The following FAM149B1 variants were observed in gnomAD, a reference collection of about 807,000 sequenced individuals.
FAM149B1 encodes family with sequence similarity 149 member B1.
A neutral mutation model predicts 75.3 loss-of-function variants in FAM149B1; 56 were observed. The observed-to-expected ratio is 0.74, with a 90% CI of 0.60 to 0.93. The LOEUF (loss-of-function observed/expected upper bound fraction) is 0.93. FAM149B1 is among the 40% of genes least tolerant of loss of function. The pLI is 0.00. For missense variants in FAM149B1, 639 were observed against 708.4 expected, an observed-to-expected ratio of 0.90 and a Z score of 1.11; for synonymous variants, 259 against 256.1, an observed-to-expected ratio of 1.01 and a Z score of -0.11.
Position 73,243,319 on chromosome 10 carries a change from C to T in FAM149B1, c.*2300C>T, listed in dbSNP as rs1478771628. The T allele has an allele frequency of 6.5e-7, 1 of 1,532,456 alleles. No homozygotes were observed. Among genetic ancestry groups the T allele is most frequent in the East Asian group, 2.3e-5 (1 of 44,340 alleles). 94.9% of individuals were successfully genotyped at this position (1,532,456 alleles called of 1,614,324 possible). ...CACCTTTTCTCAAGAGCTGAATTGA[C>T]TTTTGCCTTCAAATCCTGCCTGCAC... On this transcript the variant is annotated 3_prime_UTR_variant, in exon 14 of 14. Coordinates refer to ENST00000242505, the MANE Select transcript of FAM149B1 (RefSeq NM_173348.2).
At chr10:73,180,474 G>C (rs1431144086) in intron 3 of FAM149B1, among the ~76,000 whole-genome samples, 1 of 152,178 alleles carries the variant, frequency 6.6e-6, no homozygotes, top group African/African-American at 2.4e-5. Flanking sequence ...GGAAGATTTA[G>C]TATACTGACT....
intron 5 of FAM149B1, among the ~76,000 whole-genome samples, chr10:73,197,311 T>C (rs1331833933): frequency 2.0e-5 from 3 of 152,224 alleles, no homozygotes; most frequent in African/African-American, 7.2e-5. Context: ...CCACTCTTTT[T>C]TCTTAACTAA....
intron 3 of FAM149B1, 24 bp from the exon 4 acceptor site, chr10:73,192,532 T>C (rs1009666232): frequency 1.4e-5 from 21 of 1,548,184 alleles, no homozygotes; most frequent in Middle Eastern, 1.7e-4. Flanking sequence ...CACCTAAATA[T>C]TTGGGGGGAA....
rs1843534823 is a variant in FAM149B1 at position 73,168,276 on chromosome 10, C to T, written c.-64C>T. The T allele has an allele frequency of 2.0e-6, 3 of 1,530,364 alleles. No homozygotes were observed. Among genetic ancestry groups the T allele is most frequent in the Non-Finnish European group, 2.6e-6 (3 of 1,133,106 alleles). 94.8% of individuals were successfully genotyped at this position (1,530,364 alleles called of 1,614,324 possible). A position where few individuals can be genotyped will look rare whatever the true frequency, so the allele number is the denominator to read the frequency against. ...CGGCGGGAGGGCCAGGCCCGGAGGC[C>T]CCCACCCTGGCGTGCCTGCCCCGGC... On this transcript the variant is annotated 5_prime_UTR_variant, in exon 1 of 14. Transcript: ENST00000242505.
At chr10:73,209,002 G>C (rs898751817) in intron 6 of FAM149B1, among the ~76,000 whole-genome samples, 1 of 152,106 alleles carries the variant, frequency 6.6e-6, no homozygotes, top group African/African-American at 2.4e-5. Context: ...TCATTTGCCT[G>C]TTCCTGAGAT....
intron 1 of FAM149B1, among the ~76,000 whole-genome samples, chr10:73,169,728 T>G (rs1843626407): frequency 6.6e-6 from 1 of 152,208 alleles, no homozygotes; most frequent in South Asian, 2.1e-4. Context: ...CCTCCCAAAG[T>G]GTTGGCGTGA....
chr10:73,183,677 T>G (rs1370250409), intron 3 of FAM149B1: 1 of 152,110 alleles, frequency 6.6e-6, no homozygotes, highest in Admixed American at 6.5e-5. Context: ...ACAATGAAAC[T>G]GGACAAAATG....
At position 73,243,950 on chromosome 10, in the gene FAM149B1, A is replaced by T; in HGVS notation, c.*2931A>T. On this transcript the variant is annotated 3_prime_UTR_variant, in exon 14 of 14. Coordinates refer to ENST00000242505, the MANE Select transcript of FAM149B1 (RefSeq NM_173348.2). ...TGAGCCTGAAACAGGAACTCACATG[A>T]GACTCAGGGCCACCAGGAAATGCTT... 4 of 1,601,340 alleles carry T rather than the reference A, an allele frequency of 2.5e-6. No homozygotes were observed. The highest frequency in any genetic ancestry group is 3.4e-6 in the Non-Finnish European group (4 of 1,171,856).
rs554168509 is a variant in FAM149B1 at position 73,237,667 on chromosome 10, C to T, written c.1603-1645C>T. On this transcript the variant is annotated intron_variant, in intron 12 of 13. Coordinates refer to ENST00000242505, the MANE Select transcript of FAM149B1 (RefSeq NM_173348.2). ...GAACTTCTGACCCCAAGTGATCCAC[C>T]TACCTTGGCCTCCCAAAGTGCTGGG... Among the ~76,000 whole-genome samples the T allele has an allele frequency of 1.6e-4, 25 of 152,336 alleles. No individual in the cohort carries two copies. The South Asian group carries it at 4.8e-3, about 29-fold the overall frequency.
At chr10:73,192,403 C>T in intron 3 of FAM149B1, 153 bp from the exon 4 acceptor site, 1 of 695,868 alleles carries the variant, frequency 1.4e-6, no homozygotes, top group Non-Finnish European at 2.3e-6. Flanking sequence ...TCTGAAAACT[C>T]ACTAATTTAA....
intron 3 of FAM149B1, among the ~76,000 whole-genome samples, chr10:73,178,727 G>A (rs1844080967): frequency 6.6e-6 from 1 of 152,066 alleles, no homozygotes; most frequent in South Asian, 2.1e-4. Context: ...CTCTAATTTT[G>A]TTTTATATAA....
intron 5 of FAM149B1, among the ~76,000 whole-genome samples, chr10:73,195,447 A>G (rs1356959739): frequency 2.6e-5 from 4 of 152,184 alleles, no homozygotes; most frequent in Non-Finnish European, 5.9e-5. Flanking sequence ...TTACAACCTA[A>G]TGTCACCCAC....
rs1373883801 is a variant in FAM149B1, at chr10:73,177,909, T to G, written c.216T>G (p.Ala72=). Residue 72 remains alanine, a synonymous_variant, in exon 3 of 14, where the codon GCT becomes GCG. Coordinates refer to ENST00000242505, the MANE Select transcript of FAM149B1 (RefSeq NM_173348.2). ...CCGACACTGGGAATTCACTGTCTGC[T>G]TTTCCAAGTTATACAGGCGCAGGGA... is the stretch of plus-strand genomic sequence containing the variant. ...TSADTGNSLS[A]FPSYTGAGIS... The G allele has an allele frequency of 2.6e-6, 4 of 1,551,646 alleles. No individual in the cohort carries two copies. The South Asian group carries it at 4.8e-5, about 18-fold the overall frequency.
Position 73,228,202 on chromosome 10 carries a change from C to A in FAM149B1, c.1023+18C>A, listed in dbSNP as rs1265743690. 1.3e-6 allele frequency: 2 copies of A among 1,551,054 alleles called. No homozygotes were observed. The highest frequency in any genetic ancestry group is 1.7e-6 in the Non-Finnish European group (2 of 1,146,458). Reference sequence around the variant, plus strand: ...CAAATCCGGTAAGCCCCAGAGGGATCAGTTGGAGACCCCAGGGCTACTCTC... The same window carrying A: ...CAAATCCGGTAAGCCCCAGAGGGATAAGTTGGAGACCCCAGGGCTACTCTC... On this transcript the variant is annotated intron_variant, in intron 8 of 13. Transcript: ENST00000242505.
chr10:73,194,089 A>G, intron 5 of FAM149B1, among the ~76,000 whole-genome samples: 1 of 152,136 alleles, frequency 6.6e-6, no homozygotes, highest in East Asian at 1.9e-4. Context: ...TAAACCATTC[A>G]TGAGGACAGA....
intron 2 of FAM149B1, among the ~76,000 whole-genome samples, chr10:73,175,656 C>T (rs1248732263): frequency 3.3e-4 from 43 of 131,466 alleles, no homozygotes; most frequent in South Asian, 7.1e-4. Context: ...GGCAACAGAG[C>T]GAGACTCCTT....
intron 5 of FAM149B1, among the ~76,000 whole-genome samples, chr10:73,196,139 T>C (rs1334999860): frequency 6.6e-6 from 1 of 152,194 alleles, no homozygotes; most frequent in African/African-American, 2.4e-5. Flanking sequence ...CAGTAGGATG[T>C]GCCAGGCCCA....
chr10:73,188,765 GGAA>G (rs2042600252), intron 3 of FAM149B1, among the ~76,000 whole-genome samples: 76 of 81,132 alleles, frequency 9.4e-4, no homozygotes, highest in African/African-American at 4.3e-3. Flanking sequence ...AGGGAAGGAA[GGAA>G]GGAAGGAAGG....
intron 2 of FAM149B1, among the ~76,000 whole-genome samples, chr10:73,175,048 A>G (rs1843885816): frequency 8.1e-6 from 1 of 122,810 alleles, no homozygotes; most frequent in South Asian, 3.5e-4. Flanking sequence ...ATGAAAAAAC[A>G]AACAAACAAA....
Sources: gnomAD v4.1 joint callset for allele counts (sites outside exome capture counted in the v4.1 genomes callset) on GRCh38, gnomAD v4.1.1 for gene constraint, MANE v1.5 for transcripts, NCBI Gene and HGNC (gene_info 2026-07-23, HGNC 2026-07-21) for gene names.